Variants in ZFAND2A observed in about 807,000 individuals in gnomAD.
ZFAND2A encodes zinc finger AN1-type containing 2A, also known as AN1-type zinc finger protein 2A.
Under a neutral mutation model 11.6 loss-of-function variants are expected in ZFAND2A, and 20 were observed. The observed-to-expected ratio is 1.72, with a 90% CI of 1.21 to 2.50. The LOEUF is 2.50. Ranked by LOEUF, ZFAND2A falls within the 30% of genes most tolerant of loss-of-function variation. ZFAND2A has a pLI of 0.00. For missense variants in ZFAND2A, 234 were observed against 182.9 expected, an observed-to-expected ratio of 1.28 and a Z score of -1.61; for synonymous variants, 93 against 60.6, an observed-to-expected ratio of 1.54 and a Z score of -2.48.
downstream of ZFAND2A, among the ~76,000 whole-genome samples, chr7:1,149,437 G>A (rs1344948721): frequency 1.3e-5 from 2 of 152,224 alleles, no homozygotes; most frequent in Non-Finnish European, 2.9e-5. Flanking sequence ...CACAGAACCA[G>A]GGCCTCGGGG....
At chr7:1,151,430 G>A (rs989870194), downstream of ZFAND2A, among the ~76,000 whole-genome samples, 9 of 151,928 alleles carry the variant, frequency 5.9e-5, no homozygotes, top group Admixed American at 5.9e-4. Context: ...GGTGAAGAGC[G>A]CAAGTGAGCT....
chr7:1,152,704 G>A (rs183082278), downstream of ZFAND2A, among the ~76,000 whole-genome samples: 9 of 151,968 alleles, frequency 5.9e-5, no homozygotes, highest in Middle Eastern at 6.8e-3. Context: ...AGGTGGAGAC[G>A]GGGGTTGTGC....
At chr7:1,158,791 GA>G (rs774661461) in intron 1 of ZFAND2A, among the ~76,000 whole-genome samples, 3 of 152,138 alleles carry the variant, frequency 2.0e-5, no homozygotes, top group Non-Finnish European at 2.9e-5. Context: ...AGTCACTATG[GA>G]AAACAGGCAG....
intron 3 of ZFAND2A, 102 bp from the exon 4 acceptor site, chr7:1,155,686 A>G (rs75674288): frequency 2.7e-6 from 4 of 1,475,722 alleles, no homozygotes; most frequent in Admixed American, 4.3e-5. Flanking sequence ...ACACAAAGAG[A>G]GGACAAAAAC....
At chr7:1,155,833 C>T (rs1034901293) in intron 3 of ZFAND2A, among the ~76,000 whole-genome samples, 3 of 152,224 alleles carry the variant, frequency 2.0e-5, no homozygotes, top group Non-Finnish European at 4.4e-5. Flanking sequence ...CTGCAGAAAC[C>T]AGCTGGGGCC....
downstream of ZFAND2A, among the ~76,000 whole-genome samples, chr7:1,150,143 AG>A (rs1793371496): frequency 6.6e-6 from 1 of 151,514 alleles, no homozygotes; most frequent in African/African-American, 2.4e-5. Flanking sequence ...AAAGCAAAAA[AG>A]TTTGTCAGAT....
Position 1,157,722 on chromosome 7 carries a change from A to ACATG in ZFAND2A, c.80_83dup (p.Lys29MetfsTer2). 1.3e-6 allele frequency: 2 copies of ACATG among 1,560,730 alleles called. No individual in the cohort carries two copies. Among genetic ancestry groups the ACATG allele is most frequent in the Non-Finnish European group, 1.7e-6 (2 of 1,157,206 alleles). On this transcript the variant is annotated frameshift_variant, in exon 3 of 5. Transcript: ENST00000316495. LOFTEE classifies it high-confidence loss of function. The stretch of plus-strand genomic sequence containing the variant: ...AATGATCTTTACAGAAATCTTGTTT[A>ACATG]CATGCATCACATTTTACTGGAAGAA...
At chr7:1,155,401 A>G in intron 4 of ZFAND2A, 52 bp downstream of exon 4, 1 of 1,591,640 alleles carries the variant, frequency 6.3e-7, no homozygotes, top group African/African-American at 1.4e-5. Context: ...ACTCTTCCCA[A>G]GGAAAAACCA....
downstream of ZFAND2A, among the ~76,000 whole-genome samples, chr7:1,148,918 G>A (rs1435982164): frequency 2.7e-5 from 4 of 146,596 alleles, no homozygotes; most frequent in African/African-American, 7.7e-5. Flanking sequence ...CTGCAGCCTT[G>A]ACGTCTCCTG....
At chr7:1,150,732 C>A (rs1020733985), downstream of ZFAND2A, among the ~76,000 whole-genome samples, 1 of 152,108 alleles carries the variant, frequency 6.6e-6, no homozygotes, top group African/African-American at 2.4e-5. Context: ...CTAGTTCCTG[C>A]CATTGTAGTT....
chr7:1,159,144 C>T (rs1463331010), intron 1 of ZFAND2A, among the ~76,000 whole-genome samples: 4 of 152,348 alleles, frequency 2.6e-5, no homozygotes, highest in African/African-American at 4.8e-5. Context: ...CCTTTCCCAG[C>T]CCTCCTTCGC....
rs1286205815 is a variant in ZFAND2A at position 1,155,332 on chromosome 7, G to T, written c.282+121C>A. Reference sequence around the variant, plus strand: ...TAGGACAGGGATAACGCAGCGTTAGGACTCTTCTTTTCTACTTTGTACATA... The same window carrying T: ...TAGGACAGGGATAACGCAGCGTTAGTACTCTTCTTTTCTACTTTGTACATA... On this transcript the variant is annotated intron_variant, in intron 4 of 4. Coordinates refer to ENST00000316495, the MANE Select transcript of ZFAND2A (RefSeq NM_182491.4). 7 of 1,410,968 alleles carry T rather than the reference G, an allele frequency of 5.0e-6. No homozygotes were observed. In the Admixed American group the frequency reaches 7.0e-5, roughly 14 times the overall value. 87.4% of individuals were successfully genotyped at this position (1,410,968 alleles called of 1,614,324 possible).
chr7:1,158,064 G>A, intron 2 of ZFAND2A, 94 bp downstream of exon 2: 2 of 1,260,654 alleles, frequency 1.6e-6, no homozygotes, highest in East Asian at 2.3e-5. Flanking sequence ...GAGGAGCCAG[G>A]AAGGCCAAGA....
chr7:1,149,210 C>T (rs1403167212), downstream of ZFAND2A, among the ~76,000 whole-genome samples: 1 of 152,202 alleles, frequency 6.6e-6, no homozygotes, highest in Non-Finnish European at 1.5e-5. Flanking sequence ...AGTTCACACA[C>T]CCAGGTTCCT....
intron 1 of ZFAND2A, among the ~76,000 whole-genome samples, chr7:1,159,353 AC>A (rs1430438074): frequency 3.9e-5 from 6 of 152,250 alleles, no homozygotes; most frequent in African/African-American, 1.4e-4. Flanking sequence ...CAGCAAGAAA[AC>A]ACACATCTAC....
At chr7:1,150,314 G>A (rs1005319479), downstream of ZFAND2A, among the ~76,000 whole-genome samples, 18 of 151,920 alleles carry the variant, frequency 1.2e-4, no homozygotes, top group South Asian at 4.2e-4. Flanking sequence ...TTTTTAGATG[G>A]TGAAAGCAGA....
chr7:1,154,366 G>A (rs1295750637), intron 4 of ZFAND2A, among the ~76,000 whole-genome samples: 2 of 152,208 alleles, frequency 1.3e-5, no homozygotes, highest in Non-Finnish European at 2.9e-5. Flanking sequence ...GACCCGTGCA[G>A]GGATGCAGGC....
intron 1 of ZFAND2A, among the ~76,000 whole-genome samples, chr7:1,159,040 G>A (rs955587183): frequency 3.3e-5 from 5 of 152,044 alleles, no homozygotes; most frequent in Non-Finnish European, 7.4e-5. Context: ...CATGGCAAAC[G>A]TCTAGTTATC....
At chr7:1,158,073 G>C (rs1793573984) in intron 2 of ZFAND2A, 85 bp downstream of exon 2, 1 of 1,358,394 alleles carries the variant, frequency 7.4e-7, no homozygotes, top group Admixed American at 1.7e-5. Flanking sequence ...GGAAGGCCAA[G>C]ACACAATTAT....
Sources: allele counts gnomAD v4.1 joint callset (sites outside exome capture counted in the v4.1 genomes callset), GRCh38; gene constraint gnomAD v4.1.1; transcripts MANE v1.5; gene names NCBI Gene and HGNC (gene_info 2026-07-23, HGNC 2026-07-21).